SAP130: variants seen among roughly 807,000 people sequenced by gnomAD.
SAP130 encodes Sin3A associated protein 130, also known as histone deacetylase complex subunit SAP130.
In SAP130, 16 loss-of-function variants were observed where a neutral mutation model predicts 103.2. That is an observed-to-expected ratio of 0.16 (90% CI 0.10 to 0.24). SAP130 has a LOEUF of 0.24. SAP130 is among the 10% of genes least tolerant of loss of function. The pLI, the probability that SAP130 is intolerant of heterozygous loss-of-function variation, is 1.00. For synonymous variants in SAP130, 477 were observed against 497.0 expected (o/e 0.96, Z 0.53); for missense variants, 990 against 1,359.7 (o/e 0.73, Z 4.28).
rs17015839 is a variant in SAP130, at chr2:127,989,449, A to G, written c.1780+115T>C. On this transcript the variant is annotated intron_variant, in intron 13 of 20. Transcript: ENST00000643581. This position sits in a 1 kb window ranked among gnomAD's most constrained non-coding sequence, Gnocchi z 4.6. Reference sequence around the variant, plus strand: ...TAAGCAACTCATATTATTAATACAAAGAAGAAAAGGCCTAGAGAAATTATA... The same window carrying G: ...TAAGCAACTCATATTATTAATACAAGGAAGAAAAGGCCTAGAGAAATTATA... 95,884 of 937,924 alleles carry G rather than the reference A, an allele frequency of 0.1. 5,832 individuals are homozygous for G. Among genetic ancestry groups the G allele is most frequent in the South Asian group, 0.21 (12,104 of 57,178 alleles). 58.1% of individuals were successfully genotyped at this position (937,924 alleles called of 1,614,324 possible).
At chr2:128,020,004 A>C (rs1049987734) in intron 2 of SAP130, among the ~76,000 whole-genome samples, 2 of 152,202 alleles carry the variant, frequency 1.3e-5, no homozygotes, top group Non-Finnish European at 2.9e-5. Flanking sequence ...TCTGAGCATA[A>C]AGATAATATT....
chr2:127,950,253 T>C lies in SAP130; in HGVS notation c.2578A>G (p.Met860Val). The change falls in exon 17 of 21, where the codon ATG becomes GTG. Residue 860 changes from methionine to valine, a missense_variant. Met to Val is a conservative substitution (Grantham distance 21, BLOSUM62 1). Coordinates refer to ENST00000643581, the MANE Select transcript of SAP130 (RefSeq NM_001330301.2). ...HVISTEEGDM[M>V]ETNSTDDEKS... The stretch of plus-strand genomic sequence containing the variant: ...TCATCATCAGTGCTGTTTGTCTCCA[T>C]CATGTCACCTTCTTCTGTTGAGATC... 1 of 1,614,204 alleles carries C rather than the reference T, an allele frequency of 6.2e-7. No individual in the cohort carries two copies. Among genetic ancestry groups the C allele is most frequent in the South Asian group, 1.1e-5 (1 of 91,088 alleles).
At chr2:127,975,350 G>T (rs1045975693) in intron 15 of SAP130, among the ~76,000 whole-genome samples, 9 of 152,158 alleles carry the variant, frequency 5.9e-5, no homozygotes, top group African/African-American at 1.4e-4. Flanking sequence ...AAGTGAAATT[G>T]TATGTGATTT....
At chr2:128,027,123 G>T in intron 1 of SAP130, 1 of 1,400,380 alleles carries the variant, frequency 7.1e-7, no homozygotes. Context: ...CGCACCGCCC[G>T]CTTCTATCTC....
chr2:127,953,219 C>T lies in SAP130; in HGVS notation c.2422+1767G>A, dbSNP rs1679609232. ...TAAGGCCAAAAATCTTGGAAATTGT[C>T]CCAGATACTGTTCTCTCACACTCAA... is the stretch of plus-strand genomic sequence containing the variant. On this transcript the variant is annotated intron_variant, in intron 16 of 20. Coordinates refer to ENST00000643581, the MANE Select transcript of SAP130 (RefSeq NM_001330301.2). This position sits in a 1 kb window ranked among gnomAD's most constrained non-coding sequence, Gnocchi z 4.0. 6.6e-6 allele frequency among the ~76,000 whole-genome samples: 1 copy of T among 152,136 alleles called. No individual in the cohort carries two copies. The highest frequency in any genetic ancestry group is 1.5e-5 in the Non-Finnish European group (1 of 68,028).
intron 14 of SAP130, among the ~76,000 whole-genome samples, chr2:127,985,555 A>C (rs1483799185): frequency 6.6e-6 from 1 of 152,136 alleles, no homozygotes; most frequent in Non-Finnish European, 1.5e-5. Flanking sequence ...AGAAGCTTAC[A>C]TGGCAACACA....
chr2:128,009,102 C>T (rs561787006), intron 7 of SAP130, among the ~76,000 whole-genome samples: 1 of 152,278 alleles, frequency 6.6e-6, no homozygotes, highest in South Asian at 2.1e-4. Flanking sequence ...CGTGACTCCT[C>T]TCCTTCTTTC....
chr2:128,010,327 T>C lies in SAP130; in HGVS notation c.811A>G (p.Arg271Gly). Residue 271 changes from arginine to glycine, a missense_variant, in exon 7 of 21, where the codon AGA (arginine) becomes GGA (glycine). Arg to Gly is a moderately radical substitution (Grantham distance 125). Around this residue, in one of 6 missense-constraint regions of SAP130, gnomAD observed 336 missense variants for 520.1 expected, o/e 0.65. Coordinates refer to ENST00000643581, the MANE Select transcript of SAP130 (RefSeq NM_001330301.2). ...PAVVATVSAT[R>G]AQSPVITTTA... ...GTAGTGATGACTGGAGACTGAGCTC[T>C]GGTGGCTGAGACAGTTGCTACCACA... 1.2e-6 allele frequency: 2 copies of C among 1,614,146 alleles called. No homozygotes were observed. Among genetic ancestry groups the C allele is most frequent in the African/African-American group, 1.3e-5 (1 of 75,048 alleles).
chr2:128,016,281 T>C (rs1684770027), intron 4 of SAP130, 108 bp downstream of exon 4: 2 of 1,172,424 alleles, frequency 1.7e-6, no homozygotes, highest in Non-Finnish European at 2.4e-6. Context: ...CAGTGACTGT[T>C]TGATCTTTTT....
intron 7 of SAP130, among the ~76,000 whole-genome samples, chr2:128,003,957 C>CCTTTTTTTTTT (rs1683762884): frequency 1.5e-5 from 1 of 67,878 alleles, no homozygotes; most frequent in Non-Finnish European, 2.9e-5. Context: ...CACAGATCAG[C>CCTTTTTTTTTT]TTTTTTTTTT....
At chr2:127,982,996 C>T (rs1048453112) in intron 14 of SAP130, among the ~76,000 whole-genome samples, 1 of 151,992 alleles carries the variant, frequency 6.6e-6, no homozygotes, top group East Asian at 1.9e-4. Context: ...TGCTAAGTGC[C>T]CAAACTGGTG....
chr2:128,022,526 G>A (rs193153616), intron 2 of SAP130, among the ~76,000 whole-genome samples: 5 of 152,306 alleles, frequency 3.3e-5, no homozygotes, highest in Admixed American at 2.0e-4. Flanking sequence ...AATTTTATAA[G>A]ATATTGCCAA....
intron 15 of SAP130, among the ~76,000 whole-genome samples, chr2:127,963,999 G>A (rs890951836): frequency 2.0e-5 from 3 of 152,188 alleles, no homozygotes; most frequent in African/African-American, 7.2e-5. Flanking sequence ...AAATAGGAAT[G>A]AAAGGAGAAA....
rs566123539 is a variant in SAP130, at chr2:128,011,440, C to T, written c.745-1047G>A. ...TGAAACATGCATCTAAATGGCCGAG[C>T]TCTGCCCATTCCTCATCCTTGCTTT... On this transcript the variant is annotated intron_variant, in intron 6 of 20. Coordinates refer to ENST00000643581, the MANE Select transcript of SAP130 (RefSeq NM_001330301.2). Among the ~76,000 whole-genome samples the T allele has an allele frequency of 9.2e-5, 14 of 152,316 alleles. No homozygotes were observed. In the South Asian group the frequency reaches 2.9e-3, roughly 32 times the overall value.
intron 7 of SAP130, among the ~76,000 whole-genome samples, chr2:128,009,944 C>T (rs943355581): frequency 6.6e-6 from 1 of 152,124 alleles, no homozygotes; most frequent in Non-Finnish European, 1.5e-5. Flanking sequence ...AAGCCCTCTC[C>T]GACCACATTA....
At chr2:127,973,443 G>C (rs947996479) in intron 15 of SAP130, among the ~76,000 whole-genome samples, 1 of 152,148 alleles carries the variant, frequency 6.6e-6, no homozygotes, top group Non-Finnish European at 1.5e-5. Context: ...TGTTGGTCAG[G>C]CCGATCTCAA....
chr2:127,962,011 T>G (rs1680293312), intron 15 of SAP130, among the ~76,000 whole-genome samples: 1 of 152,236 alleles, frequency 6.6e-6, no homozygotes. Context: ...CTCTGTCATC[T>G]GATATATGTG....
chr2:128,026,838 T>C (rs550417450), intron 1 of SAP130, among the ~76,000 whole-genome samples: 1 of 152,366 alleles, frequency 6.6e-6, no homozygotes, highest in South Asian at 2.1e-4. Context: ...TTTCCTTCTC[T>C]TCCACAGATC....
rs750210580 is a variant in SAP130, at chr2:127,989,793, G to A, written c.1551C>T (p.Asn517=). The A allele has an allele frequency of 1.2e-6, 2 of 1,614,112 alleles. No individual in the cohort carries two copies. Among genetic ancestry groups the A allele is most frequent in the East Asian group, 2.2e-5 (1 of 44,898 alleles). The change falls in exon 13 of 21, where the codon AAC becomes AAT. Residue 517 remains asparagine (N), a synonymous_variant. Transcript: ENST00000643581. The surrounding 1 kb of genome is among the most constrained non-coding windows in gnomAD (Gnocchi z 4.6). ...CATCCACTGTCATCAACTGCATGGGGTTTAGGTGGACGGTAGACGCTACCC... is the reference window on the plus strand; with the variant it reads ...CATCCACTGTCATCAACTGCATGGGATTTAGGTGGACGGTAGACGCTACCC... ...GVGVASTVHL[N]PMQLMTVDAS...
Sources: gnomAD v4.1 joint callset for allele counts (sites outside exome capture counted in the v4.1 genomes callset) on GRCh38, gnomAD v4.1.1 for gene constraint, gnomAD v4.1.1 regional missense constraint, Gnocchi (gnomAD v3.1) non-coding constraint, MANE v1.5 for transcripts, NCBI Gene and HGNC (gene_info 2026-07-23, HGNC 2026-07-21) for gene names.